The following PLEKHM3 variants were observed in gnomAD, a reference collection of about 807,000 sequenced individuals.
PLEKHM3 encodes pleckstrin homology domain-containing family M member 3.
Under a neutral mutation model 81.8 loss-of-function variants are expected in PLEKHM3, and 45 were observed. That is an observed-to-expected ratio of 0.55 (90% CI 0.43 to 0.71). The LOEUF (loss-of-function observed/expected upper bound fraction) is 0.71, where lower values mean the gene tolerates loss of function less well. PLEKHM3 is among the 30% of genes least tolerant of loss of function. The pLI, the probability that PLEKHM3 is intolerant of heterozygous loss-of-function variation, is 0.00. For missense variants in PLEKHM3, 788 were observed against 924.3 expected (o/e 0.85, Z 1.91); for synonymous variants, 352 against 356.4 (o/e 0.99, Z 0.14).
intron 1 of PLEKHM3, among the ~76,000 whole-genome samples, chr2:208,006,540 C>T (rs1408851431): frequency 6.6e-6 from 1 of 152,188 alleles, no homozygotes; most frequent in East Asian, 1.9e-4. Flanking sequence ...GAGTTGCTAA[C>T]ATCGAATTGC....
At chr2:207,985,987 C>CAA (rs35964669) in intron 2 of PLEKHM3, among the ~76,000 whole-genome samples, 2 of 120,866 alleles carry the variant, frequency 1.7e-5, no homozygotes, top group African/African-American at 3.4e-5. Context: ...GACTCCGTCT[C>CAA]AAAAAAAAAA....
At chr2:207,906,079 C>T (rs1377147005) in intron 6 of PLEKHM3, among the ~76,000 whole-genome samples, 1 of 152,154 alleles carries the variant, frequency 6.6e-6, no homozygotes, top group Non-Finnish European at 1.5e-5. Flanking sequence ...GATATCAAAA[C>T]TCACGTTTGA....
At chr2:207,911,067 C>G (rs2105905172) in intron 5 of PLEKHM3, among the ~76,000 whole-genome samples, 1 of 152,206 alleles carries the variant, frequency 6.6e-6, no homozygotes. Flanking sequence ...GTGTGGGGAA[C>G]AGCAAGCATG....
chr2:207,904,610 C>T (rs1688545630), intron 6 of PLEKHM3, among the ~76,000 whole-genome samples: 2 of 152,182 alleles, frequency 1.3e-5, no homozygotes, highest in African/African-American at 4.8e-5. Flanking sequence ...GAACAGTGAG[C>T]AGGAGACAGT....
intron 5 of PLEKHM3, among the ~76,000 whole-genome samples, chr2:207,915,900 C>T (rs1248877677): frequency 6.6e-6 from 1 of 152,156 alleles, no homozygotes; most frequent in African/African-American, 2.4e-5. Context: ...TATACCCACA[C>T]TGAAATCAGC....
At chr2:207,907,213 C>A (rs1482220839) in intron 6 of PLEKHM3, among the ~76,000 whole-genome samples, 1 of 152,088 alleles carries the variant, frequency 6.6e-6, no homozygotes, top group Admixed American at 6.5e-5. Flanking sequence ...ATTAAAAGTA[C>A]AAGTGTGGCC....
At chr2:208,017,631 CTT>C (rs1371035303) in intron 1 of PLEKHM3, among the ~76,000 whole-genome samples, 1 of 152,158 alleles carries the variant, frequency 6.6e-6, no homozygotes, top group Non-Finnish European at 1.5e-5. Flanking sequence ...CCCTTCCTCT[CTT>C]TTTTCTTGTA....
chr2:207,830,607 C>A (rs1438450823), intron 7 of PLEKHM3, among the ~76,000 whole-genome samples: 270 of 127,390 alleles, frequency 2.1e-3, no homozygotes, highest in Middle Eastern at 8.1e-3. Flanking sequence ...AACTCTGTCT[C>A]AAAAAAAAAA....
At chr2:207,880,233 C>T (rs953320453) in intron 6 of PLEKHM3, among the ~76,000 whole-genome samples, 4 of 151,944 alleles carry the variant, frequency 2.6e-5, no homozygotes, top group Admixed American at 2.0e-4. Context: ...ATGGCAAAAC[C>T]CCATCTCTAC....
intron 6 of PLEKHM3, among the ~76,000 whole-genome samples, chr2:207,884,490 T>C (rs778678006): frequency 6.6e-6 from 1 of 152,214 alleles, no homozygotes; most frequent in African/African-American, 2.4e-5. Flanking sequence ...CTTTTAAATA[T>C]ATTTTGAACA....
chr2:207,886,802 A>G (rs1261243163), intron 6 of PLEKHM3, among the ~76,000 whole-genome samples: 1 of 152,258 alleles, frequency 6.6e-6, no homozygotes, highest in Non-Finnish European at 1.5e-5. Context: ...AATTATCTGT[A>G]CCAACTAATA....
intron 5 of PLEKHM3, among the ~76,000 whole-genome samples, chr2:207,924,798 G>T (rs1574411996): frequency 6.6e-6 from 1 of 152,172 alleles, no homozygotes; most frequent in African/African-American, 2.4e-5. Flanking sequence ...TCCTGTGAAG[G>T]CTGGAGGATT....
chr2:207,828,221 A>C lies in PLEKHM3; in HGVS notation c.*98T>G. 1 of 1,167,462 alleles carries C rather than the reference A, an allele frequency of 8.6e-7. No individual in the cohort carries two copies. Among genetic ancestry groups the C allele is most frequent in the Non-Finnish European group, 1.2e-6 (1 of 820,676 alleles). The allele number at this position is 1,167,462 out of a possible 1,614,324, so 72.3% of individuals were successfully genotyped here. On this transcript the variant is annotated 3_prime_UTR_variant, in exon 8 of 8. Coordinates refer to ENST00000427836, the MANE Select transcript of PLEKHM3 (RefSeq NM_001080475.3). ...CTATATCTAGTTGAAGAGGATACAT[A>C]CTCTTCTTCCAAAGGGGTCTAACTG...
At chr2:207,853,357 C>T (rs2092422550) in intron 7 of PLEKHM3, among the ~76,000 whole-genome samples, 1 of 150,058 alleles carries the variant, frequency 6.7e-6, no homozygotes, top group Non-Finnish European at 1.5e-5. Flanking sequence ...GCAGAGGTTG[C>T]AGTGAGCTGA....
In PLEKHM3 at chr2:207,956,718, ATTTTTTT is replaced by A. The variant is rs1170073686; in HGVS notation, c.1547-10213_1547-10207del. On this transcript the variant is annotated intron_variant, in intron 3 of 7. Transcript: ENST00000427836. The stretch of plus-strand genomic sequence containing the variant: ...ATGCCACCACACCTGGCTGATTAAA[ATTTTTTT>A]TTTTTTTTTTTTTTTTTTTTTGCAG... 6.3e-3 allele frequency among the ~76,000 whole-genome samples: 438 copies of A among 69,132 alleles called. 5 individuals are homozygous for A. The highest frequency in any genetic ancestry group is 0.019 in the African/African-American group (365 of 19,384). The allele number at this position is 69,132 out of a possible 152,430, so 45.4% of individuals were successfully genotyped here. A position where few individuals can be genotyped will look rare whatever the true frequency, so the allele number is the denominator to read the frequency against.
intron 7 of PLEKHM3, among the ~76,000 whole-genome samples, chr2:207,846,759 C>A (rs2092385450): frequency 1.3e-5 from 2 of 151,752 alleles, no homozygotes; most frequent in Middle Eastern, 3.4e-3. Context: ...TAAAAGTACC[C>A]ATTAATATAA....
Position 207,827,933 on chromosome 2 carries a change from T to C in PLEKHM3, c.*386A>G, listed in dbSNP as rs1209658167. The C allele has an allele frequency of 6.5e-6, 1 of 153,556 alleles. No homozygotes were observed. Among genetic ancestry groups the C allele is most frequent in the Non-Finnish European group, 1.4e-5 (1 of 69,076 alleles). 9.5% of individuals were successfully genotyped at this position (153,556 alleles called of 1,614,324 possible). A position where few individuals can be genotyped will look rare whatever the true frequency, so the allele number is the denominator to read the frequency against. Reference sequence around the variant, plus strand: ...CACAAAAATAACCTAAAGCACTGTTTTGTGCAGGAAATGCTTCCTTTTGTG... The same window carrying C: ...CACAAAAATAACCTAAAGCACTGTTCTGTGCAGGAAATGCTTCCTTTTGTG... On this transcript the variant is annotated 3_prime_UTR_variant, in exon 8 of 8. Transcript: ENST00000427836.
At chr2:207,908,979 A>G (rs1015023112) in intron 5 of PLEKHM3, among the ~76,000 whole-genome samples, 2 of 152,136 alleles carry the variant, frequency 1.3e-5, no homozygotes, top group African/African-American at 2.4e-5. Flanking sequence ...GATGTCTCCA[A>G]ATATCTTTCT....
At chr2:207,890,109 C>T (rs374940608) in intron 6 of PLEKHM3, among the ~76,000 whole-genome samples, 5 of 152,170 alleles carry the variant, frequency 3.3e-5, no homozygotes, top group East Asian at 3.9e-4. Flanking sequence ...CCTGCCTATT[C>T]GTTCATTTTT....
Sources: allele counts gnomAD v4.1 joint callset (sites outside exome capture counted in the v4.1 genomes callset), GRCh38; gene constraint gnomAD v4.1.1; transcripts MANE v1.5; gene names NCBI Gene and HGNC (gene_info 2026-07-23, HGNC 2026-07-21).